The following LONP2 variants were observed in gnomAD, a reference collection of about 807,000 sequenced individuals.
LONP2 encodes lon peptidase 2, peroxisomal.
In LONP2, 60 loss-of-function variants were observed where a neutral mutation model predicts 85.6. That is an observed-to-expected ratio of 0.70 (90% confidence interval 0.57 to 0.87). The LOEUF is 0.87. Ranked by LOEUF, LONP2 falls within the 40% of genes least tolerant of loss-of-function variation. The pLI, the probability that LONP2 is intolerant of heterozygous loss-of-function variation, is 0.00. For missense variants in LONP2, 860 were observed against 1,063.5 expected, an observed-to-expected ratio of 0.81 and a Z score of 2.66; for synonymous variants, 395 against 389.7, an observed-to-expected ratio of 1.01 and a Z score of -0.16.
chr16:48,302,856 C>T (rs968230159), intron 10 of LONP2, among the ~76,000 whole-genome samples: 2 of 152,054 alleles, frequency 1.3e-5, no homozygotes, highest in South Asian at 4.1e-4. Context: ...AACAAATTAC[C>T]GAGGAGTAAA....
intron 8 of LONP2, among the ~76,000 whole-genome samples, chr16:48,285,844 A>G (rs550628050): frequency 1.4e-4 from 21 of 152,278 alleles, no homozygotes; most frequent in African/African-American, 4.8e-4. Context: ...TGTACAGTTC[A>G]GTAATGTTAA....
chr16:48,310,825 T>G (rs1973015035), intron 11 of LONP2, among the ~76,000 whole-genome samples: 1 of 152,238 alleles, frequency 6.6e-6, no homozygotes, highest in Non-Finnish European at 1.5e-5. Context: ...GTTTAGAACT[T>G]CTTTAAATAT....
chr16:48,248,332 C>G (rs971451014), intron 1 of LONP2, among the ~76,000 whole-genome samples: 2 of 147,232 alleles, frequency 1.4e-5, no homozygotes, highest in Non-Finnish European at 3.0e-5. Context: ...TGCCATGTTG[C>G]GCAAACTGGT....
chr16:48,302,483 GGC>G (rs1241041616), intron 10 of LONP2, among the ~76,000 whole-genome samples: 3 of 152,162 alleles, frequency 2.0e-5, no homozygotes, highest in African/African-American at 7.2e-5. Flanking sequence ...AAAGCTGAGT[GGC>G]CAAAAGTGGT....
chr16:48,316,290 A>G (rs1185411146), intron 11 of LONP2, among the ~76,000 whole-genome samples: 2 of 147,592 alleles, frequency 1.4e-5, no homozygotes, highest in Non-Finnish European at 3.0e-5. Flanking sequence ...CTGGGATTAC[A>G]GGCATGAGCC....
chr16:48,245,635 C>T (rs548716050), intron 1 of LONP2, among the ~76,000 whole-genome samples: 2 of 152,216 alleles, frequency 1.3e-5, no homozygotes, highest in African/African-American at 4.8e-5. Context: ...GTTGGTCACC[C>T]TAAATGTGCT....
chr16:48,310,378 G>A (rs1486865215), intron 11 of LONP2, among the ~76,000 whole-genome samples: 1 of 151,560 alleles, frequency 6.6e-6, no homozygotes, highest in Admixed American at 6.6e-5. Flanking sequence ...AGAGTCTTGA[G>A]TCTTGCTCTG....
Position 48,341,497 on chromosome 16 carries a change from G to A in LONP2, c.1939-6010G>A, listed in dbSNP as rs989404803. Among the ~76,000 whole-genome samples, 13 of 151,636 alleles carry A rather than the reference G, an allele frequency of 8.6e-5. 1 individual carries two copies. The highest frequency in any genetic ancestry group is 2.9e-4 in the African/African-American group (12 of 41,048). ...CCCACAAGAACTCACTCACTATTGC[G>A]AGGACGACAGTACCAAGGGGATGGG... is the stretch of plus-strand genomic sequence containing the variant. On this transcript the variant is annotated intron_variant, in intron 12 of 14. Coordinates refer to ENST00000285737, the MANE Select transcript of LONP2 (RefSeq NM_031490.5).
chr16:48,327,316 C>T (rs1049165885), intron 11 of LONP2, among the ~76,000 whole-genome samples: 4 of 152,214 alleles, frequency 2.6e-5, no homozygotes, highest in Non-Finnish European at 4.4e-5. Context: ...CTAGCCCCCT[C>T]CCATTTTCAG....
intron 8 of LONP2, among the ~76,000 whole-genome samples, chr16:48,286,509 T>G (rs1336874158): frequency 2.0e-5 from 3 of 151,984 alleles, no homozygotes; most frequent in Non-Finnish European, 4.4e-5. Context: ...TTGACTTCTC[T>G]TTTTCTTTTT....
intron 12 of LONP2, among the ~76,000 whole-genome samples, chr16:48,340,333 TA>T (rs1330865716): frequency 6.6e-6 from 1 of 152,162 alleles, no homozygotes; most frequent in Non-Finnish European, 1.5e-5. Context: ...CATTGCCCAG[TA>T]ATACTAAAAA....
intron 7 of LONP2, 85 bp downstream of exon 7, chr16:48,270,359 A>AT: frequency 7.0e-7 from 1 of 1,431,662 alleles, no homozygotes. Flanking sequence ...CATAGCATAC[A>AT]TCTATTTTCC....
chr16:48,277,877 A>G (rs1001088606), intron 8 of LONP2, among the ~76,000 whole-genome samples: 3 of 149,464 alleles, frequency 2.0e-5, no homozygotes, highest in African/African-American at 2.5e-5. Context: ...TAGCATGGCT[A>G]TCTTGCACTT....
At chr16:48,314,494 G>A (rs1052980968) in intron 11 of LONP2, among the ~76,000 whole-genome samples, 2 of 152,110 alleles carry the variant, frequency 1.3e-5, no homozygotes, top group Non-Finnish European at 2.9e-5. Context: ...TGTATAAGGT[G>A]TAAGGAAGGG....
At chr16:48,322,377 A>G (rs1973283904) in intron 11 of LONP2, among the ~76,000 whole-genome samples, 1 of 152,172 alleles carries the variant, frequency 6.6e-6, no homozygotes, top group Non-Finnish European at 1.5e-5. Flanking sequence ...AAAGACACAG[A>G]CACACATTAG....
At chr16:48,289,876 G>A (rs1424531587) in intron 8 of LONP2, among the ~76,000 whole-genome samples, 1 of 152,036 alleles carries the variant, frequency 6.6e-6, no homozygotes, top group African/African-American at 2.4e-5. Context: ...GTTCACAGGT[G>A]TTCATTTTGT....
chr16:48,303,005 GAAGAAATAACA>G (rs996314070), intron 10 of LONP2, among the ~76,000 whole-genome samples, 156 bp from the exon 11 acceptor site: 2 of 152,116 alleles, frequency 1.3e-5, no homozygotes, highest in African/African-American at 4.8e-5. Context: ...TCAAAGTATT[GAAGAAATAACA>G]ATAATGAGGA....
intron 5 of LONP2, 138 bp from the exon 6 acceptor site, chr16:48,262,640 T>C (rs1971901938): frequency 3.6e-6 from 2 of 557,116 alleles, no homozygotes; most frequent in South Asian, 5.3e-5. Flanking sequence ...TTTTATTATC[T>C]GGATACTTTA....
At chr16:48,246,252 G>C (rs1352780973) in intron 1 of LONP2, among the ~76,000 whole-genome samples, 2 of 152,122 alleles carry the variant, frequency 1.3e-5, no homozygotes, top group Non-Finnish European at 2.9e-5. Context: ...ACCTGCTTTG[G>C]TTATTGCCTG....
Sources: gnomAD v4.1 joint callset for allele counts (sites outside exome capture counted in the v4.1 genomes callset) on GRCh38, gnomAD v4.1.1 for gene constraint, MANE v1.5 for transcripts, NCBI Gene and HGNC (gene_info 2026-07-23, HGNC 2026-07-21) for gene names.